Variants in OTULIN observed in about 807,000 individuals in gnomAD.
OTULIN encodes the protein OTU deubiquitinase with linear linkage specificity.
In OTULIN, 15 loss-of-function variants were observed where a neutral mutation model predicts 39.6. The ratio of observed to expected loss-of-function variants is 0.38; its 90% CI spans 0.25 to 0.58. OTULIN has a LOEUF of 0.58. OTULIN is among the 20% of genes least tolerant of loss of function. OTULIN has a pLI of 0.66. For missense variants in OTULIN, 319 were observed against 445.9 expected, an observed-to-expected ratio of 0.72 and a Z score of 2.56; for synonymous variants, 156 against 170.3, an observed-to-expected ratio of 0.92 and a Z score of 0.65.
At chr5:14,680,542 G>T (rs1296262339) in intron 3 of OTULIN, among the ~76,000 whole-genome samples, 1 of 152,202 alleles carries the variant, frequency 6.6e-6, no homozygotes, top group Non-Finnish European at 1.5e-5. Context: ...CAGGGAGATG[G>T]TGGGCAGTTC....
rs1040125767 is a variant in OTULIN, at chr5:14,687,759, T to C, written c.594+113T>C. The C allele has an allele frequency of 3.3e-5, 45 of 1,345,982 alleles. No homozygotes were observed. The East Asian group carries it at 1.0e-3, about 31-fold the overall frequency. The allele number at this position is 1,345,982 out of a possible 1,614,324, so 83.4% of individuals were successfully genotyped here. On this transcript the variant is annotated intron_variant, in intron 5 of 6. Coordinates refer to ENST00000284274, the MANE Select transcript of OTULIN (RefSeq NM_138348.6). ...GGATTTTCAAATGCTCTTGGCTGAT[T>C]TTTAGGCAAAATGGTTTTAAATGAA...
the OTULIN span, chr5:14,712,776 T>C: frequency 8.1e-7 from 1 of 1,231,404 alleles, no homozygotes; most frequent in Non-Finnish European, 1.2e-6. Flanking sequence ...GATCCCCCAC[T>C]GACGAACGCC....
At position 14,692,922 on chromosome 5, in the gene OTULIN, C is replaced by T; in HGVS notation, c.933C>T (p.Asn311=). Residue 311 remains asparagine, a synonymous_variant, in exon 7 of 7, where the codon AAC becomes AAT. Coordinates refer to ENST00000284274, the MANE Select transcript of OTULIN (RefSeq NM_138348.6). ...AGGTGTACCGGCTCTCCAAGTACAA[C>T]ACGGAAGAATTCATCACAGTCTACC... The part of the protein sequence containing the change: ...TIQVYRLSKY[N]TEEFITVYPT... 6.2e-7 allele frequency: 1 copy of T among 1,614,200 alleles called. No individual in the cohort carries two copies.
rs376433569 is a variant in OTULIN, at chr5:14,690,929, C to G, written c.864+621C>G. Among the ~76,000 whole-genome samples the G allele has an allele frequency of 6.6e-6, 1 of 152,144 alleles. No individual in the cohort carries two copies. The highest frequency in any genetic ancestry group is 1.9e-4 in the East Asian group (1 of 5,194). On this transcript the variant is annotated intron_variant, in intron 6 of 6. Transcript: ENST00000284274. This position sits in a 1 kb window ranked among gnomAD's most constrained non-coding sequence, Gnocchi z 4.5. ...TGGGAGGCTACAAATAAGTGAAGTACTTGGAAGAGCCATTCGAAGGGTCTT... is the reference window on the plus strand; with the variant it reads ...TGGGAGGCTACAAATAAGTGAAGTAGTTGGAAGAGCCATTCGAAGGGTCTT...
At chr5:14,705,191 T>A in the OTULIN span, 3 of 152,126 alleles carry the variant, frequency 2.0e-5, no homozygotes, top group Non-Finnish European at 4.4e-5. Flanking sequence ...TTCAACAGTT[T>A]ATACCCACAG....
chr5:14,709,266 T>C, the OTULIN span: 1 of 150,702 alleles, frequency 6.6e-6, no homozygotes, highest in African/African-American at 2.4e-5. Flanking sequence ...AAATACTGTT[T>C]AATTTTCTAG....
chr5:14,702,537 G>C (rs1736817060), downstream of OTULIN, among the ~76,000 whole-genome samples: 1 of 152,186 alleles, frequency 6.6e-6, no homozygotes, highest in Admixed American at 6.5e-5. Flanking sequence ...CATTGGGCAG[G>C]TTGGCACTGG....
intron 4 of OTULIN, among the ~76,000 whole-genome samples, chr5:14,687,312 T>C (rs1736411293): frequency 6.6e-6 from 1 of 152,198 alleles, no homozygotes; most frequent in Non-Finnish European, 1.5e-5. Context: ...ACCATTTCAC[T>C]CCAGCAGCCC....
rs185446030 is a variant in OTULIN, at chr5:14,682,571, A to G, written c.468+964A>G. Among the ~76,000 whole-genome samples the G allele has an allele frequency of 2.4e-3, 366 of 152,354 alleles. 2 individuals are homozygous for G. The highest frequency in any genetic ancestry group is 6.8e-3 in the Middle Eastern group (2 of 294). On this transcript the variant is annotated intron_variant, in intron 4 of 6. Coordinates refer to ENST00000284274, the MANE Select transcript of OTULIN (RefSeq NM_138348.6). ...CTTAAATTTAAAAAATCCAAAACCC[A>G]GAAATGCTAGCCGTGGGAGATTGGC... is the stretch of plus-strand genomic sequence containing the variant.
Position 14,690,110 on chromosome 5 carries a change from G to A in OTULIN, c.666G>A (p.Glu222=). Residue 222 remains glutamate (E), a synonymous_variant, in exon 6 of 7, where the codon GAG becomes GAA. Coordinates refer to ENST00000284274, the MANE Select transcript of OTULIN (RefSeq NM_138348.6). The surrounding 1 kb of genome is among the most constrained non-coding windows in gnomAD (Gnocchi z 4.5). ...QIACDELFTN[E]AEEYSLYEAV... The stretch of plus-strand genomic sequence containing the variant: ...CTTGTGATGAACTATTCACAAATGA[G>A]GCGGAGGAATATAGCCTCTATGAAG... 3.1e-6 allele frequency: 5 copies of A among 1,614,188 alleles called. No individual in the cohort carries two copies. Among genetic ancestry groups the A allele is most frequent in the Non-Finnish European group, 4.2e-6 (5 of 1,180,036 alleles).
chr5:14,666,553 A>C (rs895931658), intron 1 of OTULIN, among the ~76,000 whole-genome samples: 13 of 152,142 alleles, frequency 8.5e-5, no homozygotes, highest in African/African-American at 2.9e-4. Context: ...GAGAGACATG[A>C]TTTATAGTGA....
rs774054157 is a variant in OTULIN, at chr5:14,690,122, T to C, written c.678T>C (p.Tyr226=). The change falls in exon 6 of 7, where the codon TAT becomes TAC. Residue 226 remains tyrosine, a synonymous_variant. Coordinates refer to ENST00000284274, the MANE Select transcript of OTULIN (RefSeq NM_138348.6). The surrounding 1 kb of genome is among the most constrained non-coding windows in gnomAD (Gnocchi z 4.5). Reference sequence around the variant, plus strand: ...TATTCACAAATGAGGCGGAGGAATATAGCCTCTATGAAGCTGTAAAATTTC... The same window carrying C: ...TATTCACAAATGAGGCGGAGGAATACAGCCTCTATGAAGCTGTAAAATTTC... ...DELFTNEAEE[Y]SLYEAVKFLM... is the part of the protein sequence containing the mutation. 4 of 1,614,090 alleles carry C rather than the reference T, an allele frequency of 2.5e-6. No individual in the cohort carries two copies. Among genetic ancestry groups the C allele is most frequent in the East Asian group, 2.2e-5 (1 of 44,882 alleles).
chr5:14,701,939 G>T (rs1419594344), downstream of OTULIN, among the ~76,000 whole-genome samples: 6 of 152,200 alleles, frequency 3.9e-5, no homozygotes, highest in Non-Finnish European at 7.3e-5. Context: ...CTGAGAATGG[G>T]TGTGTGGGTT....
downstream of OTULIN, among the ~76,000 whole-genome samples, chr5:14,701,888 C>T (rs577977675): frequency 2.0e-5 from 3 of 152,302 alleles, no homozygotes; most frequent in East Asian, 3.9e-4. Flanking sequence ...CAAAGCAGGG[C>T]GCTCATCAGG....
chr5:14,681,425 A>G (rs1736246522), intron 3 of OTULIN, 39 bp from the exon 4 acceptor site: 3 of 1,565,990 alleles, frequency 1.9e-6, no homozygotes, highest in Non-Finnish European at 2.6e-6. Flanking sequence ...ATCTCAAGTC[A>G]GTAACGACCA....
chr5:14,707,835 A>C, the OTULIN span: 12 of 152,244 alleles, frequency 7.9e-5, no homozygotes, highest in African/African-American at 2.9e-4. Context: ...AGCTAATGCT[A>C]AAAATCAAGG....
In OTULIN at chr5:14,690,520, T is replaced by G. The variant is rs1443138796; in HGVS notation, c.864+212T>G. 6.6e-6 allele frequency among the ~76,000 whole-genome samples: 1 copy of G among 152,092 alleles called. No individual in the cohort carries two copies. Among genetic ancestry groups the G allele is most frequent in the Non-Finnish European group, 1.5e-5 (1 of 67,960 alleles). ...AAGATCTACTTCCAGTGTTGTTCAC[T>G]CATGTGGCTGTGGGCAGGAGGCTTC... is the stretch of plus-strand genomic sequence containing the variant. On this transcript the variant is annotated intron_variant, in intron 6 of 6. Transcript: ENST00000284274. This position sits in a 1 kb window ranked among gnomAD's most constrained non-coding sequence, Gnocchi z 4.5.
chr5:14,669,060 G>A (rs1381496448), intron 1 of OTULIN, among the ~76,000 whole-genome samples: 1 of 152,112 alleles, frequency 6.6e-6, no homozygotes, highest in East Asian at 1.9e-4. Flanking sequence ...TTATCTCCAG[G>A]TTAAGAGAAA....
chr5:14,681,359 A>G (rs768701532), intron 3 of OTULIN, 105 bp from the exon 4 acceptor site: 12 of 1,354,056 alleles, frequency 8.9e-6, no homozygotes, highest in Non-Finnish European at 1.2e-5. Context: ...AACTTTGGGC[A>G]TCCTCCCAGT....
Sources: gnomAD v4.1 joint callset for allele counts (sites outside exome capture counted in the v4.1 genomes callset) on GRCh38, gnomAD v4.1.1 for gene constraint, Gnocchi (gnomAD v3.1) non-coding constraint, MANE v1.5 for transcripts, NCBI Gene and HGNC (gene_info 2026-07-23, HGNC 2026-07-21) for gene names.